The following CROCC2 variants were observed in gnomAD, a reference collection of about 807,000 sequenced individuals.
CROCC2 encodes the protein ciliary rootlet coiled-coil protein 2.
A neutral mutation model predicts 177.6 loss-of-function variants in CROCC2; 163 were observed. That is an observed-to-expected ratio of 0.92 (90% confidence interval 0.81 to 1.05). The LOEUF is 1.05. Among genes scored for constraint, CROCC2 ranks in the 50% least tolerant of loss-of-function variants. The pLI is 0.00. For missense variants in CROCC2, 1,929 were observed against 1,797.8 expected, an observed-to-expected ratio of 1.07 and a Z score of -1.32; for synonymous variants, 904 against 787.3, an observed-to-expected ratio of 1.15 and a Z score of -2.48.
chr2:240,921,447 G>A (rs899515232), intron 3 of CROCC2, among the ~76,000 whole-genome samples: 2 of 152,210 alleles, frequency 1.3e-5, no homozygotes, highest in Non-Finnish European at 1.5e-5. Context: ...GAGGCCTTGG[G>A]GGAGGCATCT....
chr2:240,986,100 A>G (rs1395566548), intron 28 of CROCC2: 1 of 379,682 alleles, frequency 2.6e-6, no homozygotes, highest in Non-Finnish European at 5.4e-6. Flanking sequence ...CGTTGTTTAA[A>G]TGACTCCAGG....
At chr2:240,934,603 A>G in intron 12 of CROCC2, 128 bp downstream of exon 12, 1 of 968,756 alleles carries the variant, frequency 1.0e-6, no homozygotes, top group Non-Finnish European at 1.5e-6. Context: ...CAGAGATCCC[A>G]AAGTCACCAA....
At chr2:240,961,319 T>A (rs897530939) in intron 20 of CROCC2, among the ~76,000 whole-genome samples, 2 of 151,954 alleles carry the variant, frequency 1.3e-5, no homozygotes, top group Admixed American at 6.6e-5. Flanking sequence ...GCATGCTGAA[T>A]GCAGACACAC....
intron 18 of CROCC2, among the ~76,000 whole-genome samples, chr2:240,952,179 C>T (rs925535798): frequency 6.6e-6 from 1 of 151,992 alleles, no homozygotes; most frequent in Non-Finnish European, 1.5e-5. Context: ...AACCCAGTCT[C>T]TACTAAAACC....
Position 240,934,965 on chromosome 2 carries a change from C to T in CROCC2, c.1841C>T (p.Ser614Leu), listed in dbSNP as rs985326130. ...DLELLVRRLKSEGVEQRDSLA... is the reference protein window; with the variant it reads ...DLELLVRRLKLEGVEQRDSLA... ...GAGCTTCTTGTGAGGCGGCTGAAGT[C>T]GGAGGGAGTGGAGCAAAGGGACTCC... The change falls in exon 13 of 32, where the codon TCG becomes TTG. Residue 614 changes from serine (S) to leucine (L), a missense_variant. Ser to Leu is a moderately radical substitution (Grantham distance 145). This residue lies in a region of CROCC2 where 1,397 missense variants were observed against 1,239.9 expected (regional missense o/e 1.13). Coordinates refer to ENST00000690015, the MANE Select transcript of CROCC2 (RefSeq NM_001351305.2). 8 of 1,513,632 alleles carry T rather than the reference C, an allele frequency of 5.3e-6. No individual in the cohort carries two copies. The highest frequency in any genetic ancestry group is 2.8e-5 in the African/African-American group (2 of 70,684). The allele number at this position is 1,513,632 out of a possible 1,614,324, so 93.8% of individuals were successfully genotyped here. A position where few individuals can be genotyped will look rare whatever the true frequency, so the allele number is the denominator to read the frequency against.
chr2:240,982,525 A>G lies in CROCC2; in HGVS notation c.4402-355A>G. 5.2e-6 allele frequency: 1 copy of G among 191,112 alleles called. No individual in the cohort carries two copies. The highest frequency in any genetic ancestry group is 1.1e-5 in the Non-Finnish European group (1 of 94,212). 11.8% of individuals were successfully genotyped at this position (191,112 alleles called of 1,614,324 possible). ...GGAGGGTCACCTCAGGCTTTATCCC[A>G]AGGGCAGTAGGAGCCACCAAGGCTG... On this transcript the variant is annotated intron_variant, in intron 27 of 31. Coordinates refer to ENST00000690015, the MANE Select transcript of CROCC2 (RefSeq NM_001351305.2). This position sits in a 1 kb window ranked among gnomAD's most constrained non-coding sequence, Gnocchi z 4.7.
At chr2:240,933,918 G>A in intron 11 of CROCC2, 66 bp downstream of exon 11, 1 of 1,482,548 alleles carries the variant, frequency 6.7e-7, no homozygotes, top group Non-Finnish European at 9.0e-7. Flanking sequence ...GCCACCATCA[G>A]CCACTTGGCC....
In CROCC2 at chr2:240,930,253, C is replaced by T. The variant is rs374352119; in HGVS notation, c.733C>T (p.Arg245Cys). Residue 245 changes from arginine (R) to cysteine (C), a missense_variant, in exon 6 of 32, where the codon CGT (arginine) becomes TGT (cysteine). By Grantham distance (180) the Arg-to-Cys change is radical. Coordinates refer to ENST00000690015, the MANE Select transcript of CROCC2 (RefSeq NM_001351305.2). ...VVLGTDLAEL[R>C]VATERGLADL... ...GCTGGGGACAGACCTGGCCGAGCTGCGTGTAGCCACTGAGAGGTGAGTGCC... is the reference window on the plus strand; with the variant it reads ...GCTGGGGACAGACCTGGCCGAGCTGTGTGTAGCCACTGAGAGGTGAGTGCC... 1.8e-5 allele frequency: 10 copies of T among 563,436 alleles called. No homozygotes were observed. The highest frequency in any genetic ancestry group is 3.3e-5 in the Non-Finnish European group (10 of 307,136). 34.9% of individuals were successfully genotyped at this position (563,436 alleles called of 1,614,324 possible).
At chr2:240,967,837 G>A (rs975249528) in intron 26 of CROCC2, among the ~76,000 whole-genome samples, 4 of 149,960 alleles carry the variant, frequency 2.7e-5, no homozygotes, top group Admixed American at 2.0e-4. Context: ...GGCTCTCCCC[G>A]GGCAGGCCCT....
chr2:240,943,661 G>A (rs538045592), intron 14 of CROCC2, among the ~76,000 whole-genome samples: 3 of 152,004 alleles, frequency 2.0e-5, no homozygotes, highest in East Asian at 3.9e-4. Flanking sequence ...TGTATTTTTA[G>A]TAGAGATGGG....
rs912605939 is a variant in CROCC2 at position 240,972,165 on chromosome 2, C to T, written c.4401+3903C>T. Among the ~76,000 whole-genome samples, 15 of 152,112 alleles carry T rather than the reference C, an allele frequency of 9.9e-5. No homozygotes were observed. The highest frequency in any genetic ancestry group is 7.9e-4 in the Admixed American group (12 of 15,278). The stretch of plus-strand genomic sequence containing the variant: ...TCTTTAAAGAAAGGAGTTCTGGCCT[C>T]GTTTGAAGTTGGGAGTGGAGAGGAA... On this transcript the variant is annotated intron_variant, in intron 27 of 31. Coordinates refer to ENST00000690015, the MANE Select transcript of CROCC2 (RefSeq NM_001351305.2). The surrounding 1 kb of genome is among the most constrained non-coding windows in gnomAD (Gnocchi z 7.1).
rs1331409110 is a variant in CROCC2, at chr2:240,972,231, G to C, written c.4401+3969G>C. The stretch of plus-strand genomic sequence containing the variant: ...ATGTGTCCCCATCCAAATATTTCAG[G>C]CTCAAAAGAAAGGCAGAGAGAAGGG... On this transcript the variant is annotated intron_variant, in intron 27 of 31. Coordinates refer to ENST00000690015, the MANE Select transcript of CROCC2 (RefSeq NM_001351305.2). The surrounding 1 kb of genome is among the most constrained non-coding windows in gnomAD (Gnocchi z 7.1). Among the ~76,000 whole-genome samples, 2 of 152,174 alleles carry C rather than the reference G, an allele frequency of 1.3e-5. No individual in the cohort carries two copies. The highest frequency in any genetic ancestry group is 6.5e-5 in the Admixed American group (1 of 15,276).
Position 240,988,850 on chromosome 2 carries a change from A to G in CROCC2, c.4663A>G (p.Arg1555Gly). 1 of 1,491,574 alleles carries G rather than the reference A, an allele frequency of 6.7e-7. No homozygotes were observed. Among genetic ancestry groups the G allele is most frequent in the Non-Finnish European group, 9.0e-7 (1 of 1,113,010 alleles). The allele number at this position is 1,491,574 out of a possible 1,614,324, so 92.4% of individuals were successfully genotyped here. A position where few individuals can be genotyped will look rare whatever the true frequency, so the allele number is the denominator to read the frequency against. Residue 1555 changes from arginine (R) to glycine (G), a missense_variant, in exon 29 of 32, where the codon AGG (arginine) becomes GGG (glycine). Arg to Gly is a moderately radical substitution (Grantham distance 125, BLOSUM62 -2). Around this residue, in one of 3 missense-constraint regions of CROCC2, gnomAD observed 388 missense variants for 352.7 expected, o/e 1.10. Transcript: ENST00000690015. ...SLHQEVDGAL[R>G]QNQQLQAQMT... ...GCACCAGGAGGTGGACGGAGCCCTG[A>G]GGCAAAATCAGCAGCTGCAGGTCAA...
intron 28 of CROCC2, among the ~76,000 whole-genome samples, chr2:240,984,147 G>A (rs1262796843): frequency 6.6e-6 from 1 of 152,172 alleles, no homozygotes; most frequent in Non-Finnish European, 1.5e-5. Flanking sequence ...GGGTTTCCAA[G>A]CCCAAAGGTC....
chr2:240,988,892 CT>C (rs778668886), intron 29 of CROCC2, 22 bp downstream of exon 29: 18 of 1,424,952 alleles, frequency 1.3e-5, no homozygotes, highest in Non-Finnish European at 1.7e-5. Flanking sequence ...CAGTGGAGCT[CT>C]GCATACCCCA....
intron 31 of CROCC2, among the ~76,000 whole-genome samples, chr2:240,991,853 G>T (rs1362115643): frequency 6.6e-6 from 1 of 152,188 alleles, no homozygotes; most frequent in Non-Finnish European, 1.5e-5. Context: ...CCACCAACCG[G>T]AGCCAAAAAC....
rs1223058053 is a variant in CROCC2, at chr2:240,949,876, T to C, written c.2652+174T>C. Among the ~76,000 whole-genome samples, 1 of 152,182 alleles carries C rather than the reference T, an allele frequency of 6.6e-6. No homozygotes were observed. Among genetic ancestry groups the C allele is most frequent in the Non-Finnish European group, 1.5e-5 (1 of 68,032 alleles). On this transcript the variant is annotated intron_variant, in intron 17 of 31. Coordinates refer to ENST00000690015, the MANE Select transcript of CROCC2 (RefSeq NM_001351305.2). This position sits in a 1 kb window ranked among gnomAD's most constrained non-coding sequence, Gnocchi z 4.5. ...ATAGTTCACGTGGGCATCCAGGGCC[T>C]TCCCCGTGGAGCCCTCATATTGGGC...
chr2:240,962,003 T>A lies in CROCC2; in HGVS notation c.3088-1553T>A, dbSNP rs563829800. The stretch of plus-strand genomic sequence containing the variant: ...CACTTGCACCGGCCCACACACACAC[T>A]CATCACCCACACACACACACACACA... On this transcript the variant is annotated intron_variant, in intron 20 of 31. Coordinates refer to ENST00000690015, the MANE Select transcript of CROCC2 (RefSeq NM_001351305.2). Among the ~76,000 whole-genome samples, 299 of 121,400 alleles carry A rather than the reference T, an allele frequency of 2.5e-3. 1 individual carries two copies. The Middle Eastern group carries it at 0.052, about 21-fold the overall frequency. The allele number at this position is 121,400 out of a possible 152,430, so 79.6% of individuals were successfully genotyped here. A position where few individuals can be genotyped will look rare whatever the true frequency, so the allele number is the denominator to read the frequency against.
In CROCC2 at chr2:240,950,505, C is replaced by A; in HGVS notation, c.2824C>A (p.Gln942Lys). Residue 942 changes from glutamine (Q) to lysine (K), a missense_variant, in exon 18 of 32, where the codon CAA becomes AAA. Physicochemically the swap from Gln to Lys is moderately conservative, Grantham distance 53. Coordinates refer to ENST00000690015, the MANE Select transcript of CROCC2 (RefSeq NM_001351305.2). ...ESLLQLEHKM[Q>K]QALSLKETER... is the part of the protein sequence containing the mutation. The stretch of plus-strand genomic sequence containing the variant: ...CCTTCTCCAACTGGAGCACAAGATG[C>A]AACAGGTGATGGTGAGGCTGGGGGG... The A allele has an allele frequency of 1.3e-6, 2 of 1,549,016 alleles. No homozygotes were observed. The highest frequency in any genetic ancestry group is 1.7e-6 in the Non-Finnish European group (2 of 1,146,052).
Sources: gnomAD v4.1 joint callset for allele counts (sites outside exome capture counted in the v4.1 genomes callset) on GRCh38, gnomAD v4.1.1 for gene constraint, gnomAD v4.1.1 regional missense constraint, Gnocchi (gnomAD v3.1) non-coding constraint, MANE v1.5 for transcripts, NCBI Gene and HGNC (gene_info 2026-07-23, HGNC 2026-07-21) for gene names.